MELK: variants seen among roughly 807,000 people sequenced by gnomAD.
MELK encodes pEg3 kinase.
MELK carries 81 observed loss-of-function variants against 85.0 expected under a neutral mutation model. The observed-to-expected ratio is 0.95, with a 90% CI of 0.80 to 1.15. The LOEUF is 1.15. Among genes scored for constraint, MELK ranks in the 50% most tolerant of loss-of-function variants. The pLI, the probability that MELK is intolerant of heterozygous loss-of-function variation, is 0.00. For missense variants in MELK, 754 were observed against 777.5 expected (o/e 0.97, Z 0.36); for synonymous variants, 252 against 265.0 (o/e 0.95, Z 0.48).
chr9:36,651,956 T>C, intron 12 of MELK, 79 bp downstream of exon 12: 6 of 1,327,592 alleles, frequency 4.5e-6, no homozygotes, highest in Non-Finnish European at 5.9e-6. Context: ...AGGTAAACTT[T>C]CCGGTGTCAA....
At chr9:36,632,461 T>C (rs1828733501) in intron 9 of MELK, among the ~76,000 whole-genome samples, 1 of 152,190 alleles carries the variant, frequency 6.6e-6, no homozygotes, top group East Asian at 1.9e-4. Context: ...CATTATGTAT[T>C]CAGAATATCT....
At chr9:36,625,934 C>A (rs1293931336) in intron 8 of MELK, among the ~76,000 whole-genome samples, 2 of 151,746 alleles carry the variant, frequency 1.3e-5, no homozygotes, top group African/African-American at 4.8e-5. Flanking sequence ...TTACATTCAT[C>A]GCAGAATTGT....
At position 36,627,547 on chromosome 9, in the gene MELK, CAA is replaced by C. The variant is rs377576584; in HGVS notation, c.667-2751_667-2750del. 1.8e-3 allele frequency among the ~76,000 whole-genome samples: 235 copies of C among 129,966 alleles called. 1 individual carries two copies. Among genetic ancestry groups the C allele is most frequent in the African/African-American group, 6.8e-3 (226 of 33,078 alleles). 85.3% of individuals were successfully genotyped at this position (129,966 alleles called of 152,430 possible). On this transcript the variant is annotated intron_variant, in intron 8 of 17. Coordinates refer to ENST00000298048, the MANE Select transcript of MELK (RefSeq NM_014791.4). ...CTCTTTTTTTTTTTTTTTTTGGAGA[CAA>C]GAGTTTTGCTCTTGTTGCCCAGGCT...
chr9:36,616,076 C>T lies in MELK; in HGVS notation c.666+8403C>T, dbSNP rs373680945. On this transcript the variant is annotated intron_variant, in intron 8 of 17. Coordinates refer to ENST00000298048, the MANE Select transcript of MELK (RefSeq NM_014791.4). The stretch of plus-strand genomic sequence containing the variant: ...CCGCTGCTTCCCGGGCGGCGCTCGC[C>T]GGCGCGGTGGCAAAGAAAAAAATTA... Among the ~76,000 whole-genome samples, 68 of 152,192 alleles carry T rather than the reference C, an allele frequency of 4.5e-4. No individual in the cohort carries two copies. In the South Asian group the frequency reaches 8.1e-3, roughly 18 times the overall value.
intron 8 of MELK, among the ~76,000 whole-genome samples, chr9:36,622,406 C>A (rs576053473): frequency 6.6e-6 from 1 of 152,262 alleles, no homozygotes; most frequent in Admixed American, 6.5e-5. Context: ...TTGAAAAACC[C>A]AGCAATATTT....
At chr9:36,645,686 C>T (rs1296693079) in intron 11 of MELK, among the ~76,000 whole-genome samples, 1 of 152,142 alleles carries the variant, frequency 6.6e-6, no homozygotes, top group African/African-American at 2.4e-5. Flanking sequence ...ATGTTTAGGT[C>T]TCAACCCCAC....
At chr9:36,596,568 TTTTGTTTTTTTTGTTTTTTTTG>T (rs1157760092) in intron 5 of MELK, among the ~76,000 whole-genome samples, 3 of 102,510 alleles carry the variant, frequency 2.9e-5, no homozygotes, top group African/African-American at 2.0e-4. Context: ...TTTTTGTTTT[TTTTGTTTTTTTTGTTTTTTTTG>T]TTTTTTTTTT....
At chr9:36,627,524 C>CTTTT (rs150933274) in intron 8 of MELK, among the ~76,000 whole-genome samples, 11 of 134,514 alleles carry the variant, frequency 8.2e-5, no homozygotes, top group Non-Finnish European at 1.3e-4. Flanking sequence ...CTCTCTCTCT[C>CTTTT]TTTTTTTTTT....
intron 13 of MELK, among the ~76,000 whole-genome samples, chr9:36,659,180 C>CT (rs1028812722): frequency 4.0e-5 from 6 of 151,712 alleles, no homozygotes; most frequent in Non-Finnish European, 5.9e-5. Flanking sequence ...TGCACCTGGC[C>CT]TTTTTTTTGT....
chr9:36,665,285 G>T, intron 13 of MELK, 65 bp from the exon 14 acceptor site: 1 of 951,046 alleles, frequency 1.1e-6, no homozygotes, highest in Non-Finnish European at 1.6e-6. Context: ...AATGATCAAG[G>T]AATGTTGTAA....
intron 3 of MELK, among the ~76,000 whole-genome samples, chr9:36,585,564 C>T (rs1822808610): frequency 6.6e-6 from 1 of 152,082 alleles, no homozygotes; most frequent in African/African-American, 2.4e-5. Context: ...ACCTCGGCCT[C>T]CTAAAGTGCT....
chr9:36,600,084 T>TTTTG (rs1824751195), intron 7 of MELK, among the ~76,000 whole-genome samples: 1 of 148,014 alleles, frequency 6.8e-6, no homozygotes, highest in Non-Finnish European at 1.5e-5. Context: ...TCCAAATCTT[T>TTTTG]TTTTGTTTTG....
chr9:36,631,321 G>A (rs561817090), intron 9 of MELK, among the ~76,000 whole-genome samples: 3 of 151,962 alleles, frequency 2.0e-5, no homozygotes, highest in Non-Finnish European at 2.9e-5. Context: ...GCAACGGTGC[G>A]ATCTTGGCTC....
chr9:36,628,274 G>A (rs1828132951), intron 8 of MELK, among the ~76,000 whole-genome samples: 1 of 152,174 alleles, frequency 6.6e-6, no homozygotes, highest in African/African-American at 2.4e-5. Flanking sequence ...CAACCTGAAG[G>A]CTCACTGCTG....
intron 6 of MELK, 144 bp from the exon 7 acceptor site, chr9:36,599,250 G>A (rs1043492662): frequency 2.1e-5 from 10 of 482,500 alleles, no homozygotes; most frequent in East Asian, 1.6e-4. Context: ...GCAGTGAGCC[G>A]AGATTGCGCC....
intron 1 of MELK, among the ~76,000 whole-genome samples, chr9:36,579,321 C>T (rs2134871941): frequency 6.6e-6 from 1 of 152,336 alleles, no homozygotes; most frequent in African/African-American, 2.4e-5. Flanking sequence ...GCCACCGCGC[C>T]CAGCCTAATT....
At chr9:36,632,812 A>T (rs1828768947) in intron 9 of MELK, among the ~76,000 whole-genome samples, 1 of 152,204 alleles carries the variant, frequency 6.6e-6, no homozygotes, top group Non-Finnish European at 1.5e-5. Flanking sequence ...TTTCCAGCAA[A>T]AGACTATTAC....
At chr9:36,602,038 A>G (rs1292764042) in intron 7 of MELK, among the ~76,000 whole-genome samples, 1 of 152,244 alleles carries the variant, frequency 6.6e-6, no homozygotes, top group Non-Finnish European at 1.5e-5. Context: ...ATATGAGTGT[A>G]CAAGTATCTC....
At chr9:36,652,171 C>T (rs963946380) in intron 12 of MELK, among the ~76,000 whole-genome samples, 2 of 149,646 alleles carry the variant, frequency 1.3e-5, no homozygotes, top group Non-Finnish European at 3.0e-5. Context: ...CTCAGCCTCC[C>T]GAGTAGCTGG....
Sources: gnomAD v4.1 joint callset for allele counts (sites outside exome capture counted in the v4.1 genomes callset) on GRCh38, gnomAD v4.1.1 for gene constraint, MANE v1.5 for transcripts, NCBI Gene and HGNC (gene_info 2026-07-23, HGNC 2026-07-21) for gene names.